The following OAS3 variants were observed in gnomAD, a reference collection of about 807,000 sequenced individuals.
OAS3 encodes 2'-5'-oligoadenylate synthase 3.
OAS3 carries 107 observed loss-of-function variants against 113.0 expected under a neutral mutation model. That is an observed-to-expected ratio of 0.95 (90% CI 0.81 to 1.11). The LOEUF (loss-of-function observed/expected upper bound fraction) is 1.11. OAS3 is among the 50% of genes most tolerant of loss of function. OAS3 has a pLI of 0.00. For missense variants in OAS3, 1,258 were observed against 1,389.1 expected (o/e 0.91, Z 1.50); for synonymous variants, 552 against 573.6 (o/e 0.96, Z 0.54).
chr12:112,964,217 C>G lies in OAS3; in HGVS notation c.2230-18C>G. 1 of 1,568,134 alleles carries G rather than the reference C, an allele frequency of 6.4e-7. No individual in the cohort carries two copies. Among genetic ancestry groups the G allele is most frequent in the Non-Finnish European group, 8.6e-7 (1 of 1,156,170 alleles). On this transcript the variant is annotated intron_variant, in intron 10 of 15. Transcript: ENST00000228928. ...GGAGTCCCGTCTCAAGCTGGCCCCA[C>G]CTGGATTCTCTCTGCAGCCAGCCCT...
Position 112,963,319 on chromosome 12 carries a change from G to C in OAS3, c.2091G>C (p.Leu697=), listed in dbSNP as rs1044929274. Residue 697 remains leucine (L), a synonymous_variant, in exon 10 of 16, where the codon CTG becomes CTC. Transcript: ENST00000228928. This position sits in a 1 kb window ranked among gnomAD's most constrained non-coding sequence, Gnocchi z 4.6. ...CTTCCTGCTGTGCCCCCAGACCCCT[G>C]GTCCTGGACCCCGCTGATCCCACCT... ...LLGQLRKPRP[L]VLDPADPTWN... is the part of the protein sequence containing the mutation. The C allele has an allele frequency of 3.8e-6, 6 of 1,573,996 alleles. No homozygotes were observed. The African/African-American group carries it at 8.2e-5, about 21-fold the overall frequency.
rs771247523 is a variant in OAS3, at chr12:112,948,068, TG to T, written c.1003del (p.Asp335ThrfsTer25). Reference sequence around the variant, plus strand: ...GACCACCCATGCTTTCTGAGGGGGATGGGGGACCCAGTGCAGTCTTGGAAGG... The same window carrying T: ...GACCACCCATGCTTTCTGAGGGGGATGGGGACCCAGTGCAGTCTTGGAAGG... ...CYDHPCFLRG[M>X]GDPVQSWKGP... On this transcript the variant is annotated frameshift_variant, in exon 5 of 16. Coordinates refer to ENST00000228928, the MANE Select transcript of OAS3 (RefSeq NM_006187.4). LOFTEE classifies it high-confidence loss of function. 10 of 1,573,384 alleles carry T rather than the reference TG, an allele frequency of 6.4e-6. No individual in the cohort carries two copies. The highest frequency in any genetic ancestry group is 1.8e-5 in the Admixed American group (1 of 54,328).
At chr12:112,953,021 G>A (rs892370048) in intron 7 of OAS3, among the ~76,000 whole-genome samples, 2 of 151,842 alleles carry the variant, frequency 1.3e-5, no homozygotes, top group African/African-American at 4.8e-5. Flanking sequence ...AAGTTCTAGG[G>A]TACATGTGCA....
chr12:112,951,195 A>G (rs2043788013), intron 7 of OAS3, among the ~76,000 whole-genome samples: 1 of 152,250 alleles, frequency 6.6e-6, no homozygotes, highest in Non-Finnish European at 1.5e-5. Flanking sequence ...AAGCATACAG[A>G]AAACTACAGA....
At position 112,963,478 on chromosome 12, in the gene OAS3, G is replaced by A; in HGVS notation, c.2229+21G>A. ...TGATGGTAAGATGGAGGGTCCTGGG[G>A]GGCAGGGGGCCCTGCACCCTGCCTT... On this transcript the variant is annotated intron_variant, in intron 10 of 15. Coordinates refer to ENST00000228928, the MANE Select transcript of OAS3 (RefSeq NM_006187.4). This position sits in a 1 kb window ranked among gnomAD's most constrained non-coding sequence, Gnocchi z 4.6. 2 of 1,508,656 alleles carry A rather than the reference G, an allele frequency of 1.3e-6. No individual in the cohort carries two copies. Among genetic ancestry groups the A allele is most frequent in the Non-Finnish European group, 1.8e-6 (2 of 1,122,404 alleles). The allele number at this position is 1,508,656 out of a possible 1,614,324, so 93.5% of individuals were successfully genotyped here.
In OAS3 at chr12:112,938,686, G is replaced by A. The variant is rs1222559565; in HGVS notation, c.156G>A (p.Pro52=). The A allele has an allele frequency of 1.9e-6, 3 of 1,571,608 alleles. No individual in the cohort carries two copies. The East Asian group carries it at 7.1e-5, about 37-fold the overall frequency. The change falls in exon 1 of 16, where the codon CCG becomes CCA. Residue 52 remains proline, a synonymous_variant. Transcript: ENST00000228928. ...ERGGRLGAAA[P]RVLKTVKGGS... is the part of the protein sequence containing the mutation. ...GGGGCCGCCTCGGTGCTGCTGCCCC[G>A]CGGGTGCTGAAAACTGTCAAGGTGA...
At chr12:112,952,343 G>A (rs2043800139) in intron 7 of OAS3, among the ~76,000 whole-genome samples, 1 of 151,962 alleles carries the variant, frequency 6.6e-6, no homozygotes, top group African/African-American at 2.4e-5. Context: ...GTCCTCCTTT[G>A]TCAGCATTTT....
chr12:112,938,784 G>T, intron 1 of OAS3, 77 bp downstream of exon 1: 2 of 1,192,506 alleles, frequency 1.7e-6, no homozygotes, highest in Non-Finnish European at 2.2e-6. Flanking sequence ...ATAGGCTTAC[G>T]GTGGGGGTGG....
chr12:112,965,270 G>C (rs1057051964), intron 11 of OAS3, among the ~76,000 whole-genome samples: 1 of 152,228 alleles, frequency 6.6e-6, no homozygotes, highest in African/African-American at 2.4e-5. Context: ...AACACTTGAG[G>C]AGAGTGGCTT....
chr12:112,946,586 G>A (rs1049980182), intron 3 of OAS3, among the ~76,000 whole-genome samples, 157 bp from the exon 4 acceptor site: 2 of 152,116 alleles, frequency 1.3e-5, no homozygotes, highest in Admixed American at 6.5e-5. Flanking sequence ...CTACCAGTGA[G>A]GGCTGGTGAG....
At chr12:112,962,267 A>G (rs1251102343) in intron 8 of OAS3, among the ~76,000 whole-genome samples, 1 of 152,232 alleles carries the variant, frequency 6.6e-6, no homozygotes, top group Admixed American at 6.5e-5. Context: ...AGATGGATAC[A>G]TTGCAGCCCC....
At chr12:112,938,737 T>A (rs866160904) in intron 1 of OAS3, 30 bp downstream of exon 1, 5 of 957,714 alleles carry the variant, frequency 5.2e-6, no homozygotes, top group Non-Finnish European at 6.9e-6. Context: ...TCTTTATGTG[T>A]CCAAAGGGGA....
chr12:112,965,662 A>C, intron 11 of OAS3, 82 bp from the exon 12 acceptor site: 1 of 1,320,130 alleles, frequency 7.6e-7, no homozygotes, highest in Middle Eastern at 2.6e-4. Flanking sequence ...AAGGTCACAC[A>C]GTAGGTTTTC....
At position 112,960,950 on chromosome 12, in the gene OAS3, T is replaced by C. The variant is rs2043877223; in HGVS notation, c.1658-121T>C. 8.9e-6 allele frequency: 8 copies of C among 895,238 alleles called. No homozygotes were observed. In the South Asian group the frequency reaches 1.0e-4, roughly 11 times the overall value. 55.5% of individuals were successfully genotyped at this position (895,238 alleles called of 1,614,324 possible). A position where few individuals can be genotyped will look rare whatever the true frequency, so the allele number is the denominator to read the frequency against. On this transcript the variant is annotated intron_variant, in intron 7 of 15. Transcript: ENST00000228928. ...TGTTATTCAATGTTATAGTGTATTA[T>C]TGATTGCAATGTTAGGTGATTAATG...
At position 112,967,414 on chromosome 12, in the gene OAS3, C is replaced by T. The variant is rs748867986; in HGVS notation, c.2690-4C>T. ...AGTGATGGTAACCATCTCCCCATCT[C>T]CAGGCCAGCTGGTCTCTGGCTCCAG... On this transcript the variant is annotated splice_region_variant and splice_polypyrimidine_tract_variant and intron_variant, in intron 12 of 15. Transcript: ENST00000228928. The T allele has an allele frequency of 1.9e-5, 30 of 1,609,734 alleles. No homozygotes were observed. Among genetic ancestry groups the T allele is most frequent in the Non-Finnish European group, 2.4e-5 (28 of 1,177,938 alleles).
chr12:112,946,996 C>A lies in OAS3; in HGVS notation c.875+15C>A, dbSNP rs1222616569. 6.3e-7 allele frequency: 1 copy of A among 1,599,806 alleles called. No homozygotes were observed. Among genetic ancestry groups the A allele is most frequent in the South Asian group, 1.1e-5 (1 of 90,602 alleles). On this transcript the variant is annotated intron_variant, in intron 4 of 15. Coordinates refer to ENST00000228928, the MANE Select transcript of OAS3 (RefSeq NM_006187.4). ...AAGAGACCCAGGTACTTCCTAATAGCCCACCATCTGCTCTCCTGTCCCGGG... is the reference window on the plus strand; with the variant it reads ...AAGAGACCCAGGTACTTCCTAATAGACCACCATCTGCTCTCCTGTCCCGGG...
At chr12:112,961,603 C>T (rs922980878) in intron 8 of OAS3, among the ~76,000 whole-genome samples, 1 of 152,120 alleles carries the variant, frequency 6.6e-6, no homozygotes, top group African/African-American at 2.4e-5. Flanking sequence ...GAAAACTCCC[C>T]TTTCTGGAAG....
Position 112,962,902 on chromosome 12 carries a change from G to C in OAS3, c.2084G>C (p.Arg695Thr), listed in dbSNP as rs2043901138. ...CTTCTTGGCCAGCTTCGAAAACCCA[G>C]GTGAAGACCCGCTTCCCTTTGCCTG... ...MHLLGQLRKP[R>T]PLVLDPADPT... The change falls in exon 9 of 16, where the codon AGA becomes ACA. Residue 695 changes from arginine (R) to threonine (T), a missense_variant and splice_region_variant. By Grantham distance (71) the Arg-to-Thr change is moderately conservative. Coordinates refer to ENST00000228928, the MANE Select transcript of OAS3 (RefSeq NM_006187.4). The C allele has an allele frequency of 2.5e-6, 4 of 1,612,854 alleles. No individual in the cohort carries two copies. Among genetic ancestry groups the C allele is most frequent in the African/African-American group, 1.3e-5 (1 of 74,874 alleles).
rs113210418 is a variant in OAS3 at position 112,963,019 on chromosome 12, CA to C, written c.2084+118del. Reference sequence around the variant, plus strand: ...GGTTTGGGGTGGCAATCCCACTCCTCACTCTGCTTCCCTCTGGACTCTTTGC... The same window carrying C: ...GGTTTGGGGTGGCAATCCCACTCCTCCTCTGCTTCCCTCTGGACTCTTTGC... On this transcript the variant is annotated intron_variant, in intron 9 of 15. Transcript: ENST00000228928. The surrounding 1 kb of genome is among the most constrained non-coding windows in gnomAD (Gnocchi z 4.6). The C allele has an allele frequency of 0.29, 407,303 of 1,418,998 alleles. 66,827 individuals are homozygous for C. Among genetic ancestry groups the C allele is most frequent in the East Asian group, 0.72 (31,431 of 43,518 alleles). 87.9% of individuals were successfully genotyped at this position (1,418,998 alleles called of 1,614,324 possible). A position where few individuals can be genotyped will look rare whatever the true frequency, so the allele number is the denominator to read the frequency against.
Sources: allele counts gnomAD v4.1 joint callset (sites outside exome capture counted in the v4.1 genomes callset), GRCh38; gene constraint gnomAD v4.1.1; non-coding constraint Gnocchi (gnomAD v3.1); transcripts MANE v1.5; gene names NCBI Gene and HGNC (gene_info 2026-07-23, HGNC 2026-07-21).